Variants in ZNF891 observed in about 807,000 individuals in gnomAD.
The protein encoded by ZNF891 is hCG1646157.
For synonymous variants in ZNF891, 199 were observed against 209.0 expected (o/e 0.95, Z 0.41); for missense variants, 589 against 632.7 (o/e 0.93, Z 0.74).
chr12:133,129,687 C>T (rs575994730), intron 1 of ZNF891, among the ~76,000 whole-genome samples: 5 of 152,038 alleles, frequency 3.3e-5, no homozygotes, highest in African/African-American at 9.6e-5. Flanking sequence ...GTTAGTATAA[C>T]GGGCAAGGAT....
In ZNF891 at chr12:133,111,224, A is replaced by C. The variant is rs899084025; in HGVS notation, c.*9060T>G. The C allele has an allele frequency of 2.3e-4, 35 of 152,158 alleles. No individual in the cohort carries two copies. The highest frequency in any genetic ancestry group is 8.0e-4 in the African/African-American group (33 of 41,428). 9.4% of individuals were successfully genotyped at this position (152,158 alleles called of 1,614,324 possible). ...ATTCTTTTAAGGAAACAAAACAAAA[A>C]AAAATAAATTATGTAACCCAGCACT... is the stretch of plus-strand genomic sequence containing the variant. On this transcript the variant is annotated 3_prime_UTR_variant, in exon 2 of 2. Coordinates refer to ENST00000537226, the MANE Select transcript of ZNF891 (RefSeq NM_001277291.2).
rs756682362 is a variant in ZNF891, at chr12:133,108,905, ATCT to A, written c.*11376_*11378del. Reference sequence around the variant, plus strand: ...CTACCATTGTAATAAGTGTAGCAAAATCTTCTTAGATATCTGAAAAGTCATACT... The same window carrying A: ...CTACCATTGTAATAAGTGTAGCAAAATCTTAGATATCTGAAAAGTCATACT... On this transcript the variant is annotated 3_prime_UTR_variant, in exon 2 of 2. Transcript: ENST00000537226. 4 of 152,234 alleles carry A rather than the reference ATCT, an allele frequency of 2.6e-5. No individual in the cohort carries two copies. Among genetic ancestry groups the A allele is most frequent in the Non-Finnish European group, 4.4e-5 (3 of 68,040 alleles). 9.4% of individuals were successfully genotyped at this position (152,234 alleles called of 1,614,324 possible).
chr12:133,111,679 T>C lies in ZNF891; in HGVS notation c.*8605A>G, dbSNP rs543584964. 465 of 152,348 alleles carry C rather than the reference T, an allele frequency of 3.1e-3. 2 individuals are homozygous for C. Among genetic ancestry groups the C allele is most frequent in the African/African-American group, 0.011 (440 of 41,576 alleles). The allele number at this position is 152,348 out of a possible 1,614,324, so 9.4% of individuals were successfully genotyped here. ...CTCATAGGTAGAAAATATAATTTTA[T>C]GTATTTGACATGCATTTCTTAAGTT... On this transcript the variant is annotated 3_prime_UTR_variant, in exon 2 of 2. Coordinates refer to ENST00000537226, the MANE Select transcript of ZNF891 (RefSeq NM_001277291.2).
chr12:133,120,475 G>C lies in ZNF891; in HGVS notation c.1444C>G (p.His482Asp). ...VSSLRMHIRT[H>D]TGEKPYECKE... ...CATTCATAGGGTTTCTCTCCAGTGT[G>C]AGTTCTTATATGCATTCTAAGGGAT... The change falls in exon 2 of 2, where the codon CAC becomes GAC. Residue 482 changes from histidine (H) to aspartate (D), a missense_variant. Coordinates refer to ENST00000537226, the MANE Select transcript of ZNF891 (RefSeq NM_001277291.2). 2 of 1,602,784 alleles carry C rather than the reference G, an allele frequency of 1.2e-6. No individual in the cohort carries two copies. Among genetic ancestry groups the C allele is most frequent in the Non-Finnish European group, 1.7e-6 (2 of 1,175,140 alleles).
rs2137610216 is a variant in ZNF891 at position 133,112,649 on chromosome 12, T to TG, written c.*7634dup. ...GACTGCTTTTTCTAACACAATTCCC[T>TG]GTTCTTATCAGAGAAACTTATTTGT... is the stretch of plus-strand genomic sequence containing the variant. On this transcript the variant is annotated 3_prime_UTR_variant, in exon 2 of 2. Transcript: ENST00000537226. 6.6e-6 allele frequency: 1 copy of TG among 152,404 alleles called. No individual in the cohort carries two copies. The highest frequency in any genetic ancestry group is 1.9e-4 in the East Asian group (1 of 5,190). 9.4% of individuals were successfully genotyped at this position (152,404 alleles called of 1,614,324 possible). A position where few individuals can be genotyped will look rare whatever the true frequency, so the allele number is the denominator to read the frequency against.
intron 1 of ZNF891, among the ~76,000 whole-genome samples, chr12:133,129,383 C>T (rs1955850896): frequency 6.6e-6 from 1 of 151,822 alleles, no homozygotes; most frequent in Admixed American, 6.6e-5. Context: ...TGTCTGTAAT[C>T]CCGGCAACTC....
At position 133,120,531 on chromosome 12, in the gene ZNF891, C is replaced by A. The variant is rs754457088; in HGVS notation, c.1388G>T (p.Ser463Ile). The change falls in exon 2 of 2, where the codon AGT becomes ATT. Residue 463 changes from serine to isoleucine, a missense_variant. By Grantham distance (142) the Ser-to-Ile change is moderately radical. Coordinates refer to ENST00000537226, the MANE Select transcript of ZNF891 (RefSeq NM_001277291.2). ...CCCACTGAAAACTTTCCCACAGTCACTGCATTCATAAACATTCTCTCCGGT... is the reference window on the plus strand; with the variant it reads ...CCCACTGAAAACTTTCCCACAGTCAATGCATTCATAAACATTCTCTCCGGT... The part of the protein sequence containing the change: ...IHTGENVYEC[S>I]DCGKVFSGVS... The A allele has an allele frequency of 2.4e-5, 37 of 1,571,720 alleles. No individual in the cohort carries two copies.
In ZNF891 at chr12:133,106,111, T is replaced by C; in HGVS notation, c.*14173A>G. On this transcript the variant is annotated 3_prime_UTR_variant, in exon 2 of 2. Transcript: ENST00000537226. ...AGAAACAATATATATGTAGGAAATGTGGTAAAGCATTTAGCAGTGGCTCAG... is the reference window on the plus strand; with the variant it reads ...AGAAACAATATATATGTAGGAAATGCGGTAAAGCATTTAGCAGTGGCTCAG... 1.2e-6 allele frequency: 2 copies of C among 1,614,156 alleles called. No homozygotes were observed. The highest frequency in any genetic ancestry group is 1.7e-6 in the Non-Finnish European group (2 of 1,180,028).
At position 133,116,387 on chromosome 12, in the gene ZNF891, AG is replaced by A. The variant is rs1359671669; in HGVS notation, c.*3896del. 6.6e-6 allele frequency: 1 copy of A among 152,456 alleles called. No homozygotes were observed. Among genetic ancestry groups the A allele is most frequent in the Non-Finnish European group, 1.5e-5 (1 of 68,328 alleles). 9.4% of individuals were successfully genotyped at this position (152,456 alleles called of 1,614,324 possible). On this transcript the variant is annotated 3_prime_UTR_variant, in exon 2 of 2. Coordinates refer to ENST00000537226, the MANE Select transcript of ZNF891 (RefSeq NM_001277291.2). ...CCAAAGTGCTGGGATTAGAAGCGTG[AG>A]CCACTGCACCCGGCCAGTTGGGACC...
At position 133,117,440 on chromosome 12, in the gene ZNF891, G is replaced by C. The variant is rs1271025425; in HGVS notation, c.*2844C>G. 2 of 152,214 alleles carry C rather than the reference G, an allele frequency of 1.3e-5. No homozygotes were observed. The highest frequency in any genetic ancestry group is 2.4e-5 in the African/African-American group (1 of 41,452). The allele number at this position is 152,214 out of a possible 1,614,324, so 9.4% of individuals were successfully genotyped here. On this transcript the variant is annotated 3_prime_UTR_variant, in exon 2 of 2. Transcript: ENST00000537226. ...GTTCACATATTCTGATCACTGCTTAGTACAGTTAGGTGTAAATAAATAAAC... is the reference window on the plus strand; with the variant it reads ...GTTCACATATTCTGATCACTGCTTACTACAGTTAGGTGTAAATAAATAAAC...
chr12:133,129,082 A>G (rs893735688), intron 1 of ZNF891, among the ~76,000 whole-genome samples: 6 of 152,218 alleles, frequency 3.9e-5, no homozygotes, highest in African/African-American at 1.4e-4. Flanking sequence ...AATTACTTAC[A>G]GTGATAAAAT....
At chr12:133,124,571 C>A (rs1487112386) in intron 1 of ZNF891, among the ~76,000 whole-genome samples, 1 of 151,138 alleles carries the variant, frequency 6.6e-6, no homozygotes, top group African/African-American at 2.4e-5. Context: ...TTTAAAGTTA[C>A]CGAAGAAAAA....
intron 1 of ZNF891, among the ~76,000 whole-genome samples, chr12:133,123,877 A>G (rs1456928000): frequency 6.6e-6 from 1 of 152,144 alleles, no homozygotes; most frequent in Non-Finnish European, 1.5e-5. Flanking sequence ...TTCTAGTTAT[A>G]GCACTAATTA....
chr12:133,121,599 A>G lies in ZNF891; in HGVS notation c.320T>C (p.Ile107Thr). The part of the protein sequence containing the change: ...QEEIRNMKKR[I>T]PQAICPDQKI... ...CTGGTCTGGACAGATGGCTTGGGGA[A>G]TTCTCTTTTTCATATTCCTTATCTC... The change falls in exon 2 of 2, where the codon ATT becomes ACT. Residue 107 changes from isoleucine (I) to threonine (T), a missense_variant. Ile to Thr is a moderately conservative substitution (Grantham distance 89). Transcript: ENST00000537226. 7 of 1,536,436 alleles carry G rather than the reference A, an allele frequency of 4.6e-6. No individual in the cohort carries two copies. Among genetic ancestry groups the G allele is most frequent in the Non-Finnish European group, 6.1e-6 (7 of 1,146,986 alleles).
chr12:133,128,595 T>C (rs1338520568), intron 1 of ZNF891, among the ~76,000 whole-genome samples: 2 of 152,056 alleles, frequency 1.3e-5, no homozygotes, highest in Non-Finnish European at 2.9e-5. Flanking sequence ...GATCCTGCCA[T>C]TGCATTCCCG....
Position 133,118,021 on chromosome 12 carries a change from A to C in ZNF891, c.*2263T>G, listed in dbSNP as rs111795386. ...GAGTGCAGTGGTGAGATCTCATCTC[A>C]CTGCAACCTCTGCCTCCCAGGTTCA... is the stretch of plus-strand genomic sequence containing the variant. On this transcript the variant is annotated 3_prime_UTR_variant, in exon 2 of 2. Transcript: ENST00000537226. 7.0e-6 allele frequency: 1 copy of C among 142,312 alleles called. No homozygotes were observed. The highest frequency in any genetic ancestry group is 2.1e-4 in the East Asian group (1 of 4,862). The allele number at this position is 142,312 out of a possible 1,614,324, so 8.8% of individuals were successfully genotyped here.
intron 1 of ZNF891, among the ~76,000 whole-genome samples, chr12:133,123,674 C>T (rs1326968193): frequency 6.6e-6 from 1 of 151,656 alleles, no homozygotes; most frequent in East Asian, 1.9e-4. Flanking sequence ...TGCTACCACA[C>T]TCCAGCCTGG....
Position 133,106,277 on chromosome 12 carries a change from T to C in ZNF891, c.*14007A>G, listed in dbSNP as rs1300040526. On this transcript the variant is annotated 3_prime_UTR_variant, in exon 2 of 2. Transcript: ENST00000537226. ...CAAAACCCCGTATGAATGTAATGAATGTAGGAAAGCTTTCCGTTGTCACTC... is the reference window on the plus strand; with the variant it reads ...CAAAACCCCGTATGAATGTAATGAACGTAGGAAAGCTTTCCGTTGTCACTC... 3 of 1,614,070 alleles carry C rather than the reference T, an allele frequency of 1.9e-6. No homozygotes were observed. The highest frequency in any genetic ancestry group is 1.1e-5 in the South Asian group (1 of 91,094).
In ZNF891 at chr12:133,107,818, G is replaced by A. The variant is rs1365466020; in HGVS notation, c.*12466C>T. The A allele has an allele frequency of 6.6e-6, 1 of 152,188 alleles. No homozygotes were observed. Among genetic ancestry groups the A allele is most frequent in the Non-Finnish European group, 1.5e-5 (1 of 68,026 alleles). The allele number at this position is 152,188 out of a possible 1,614,324, so 9.4% of individuals were successfully genotyped here. On this transcript the variant is annotated 3_prime_UTR_variant, in exon 2 of 2. Transcript: ENST00000537226. ...GGGTTAGTTTGCCTTAATCAGGAAGGTAAGCAATTTTATTTTGTAGAAAGA... is the reference window on the plus strand; with the variant it reads ...GGGTTAGTTTGCCTTAATCAGGAAGATAAGCAATTTTATTTTGTAGAAAGA...
Sources: allele counts gnomAD v4.1 joint callset (sites outside exome capture counted in the v4.1 genomes callset), GRCh38; gene constraint gnomAD v4.1.1; transcripts MANE v1.5; gene names NCBI Gene and HGNC (gene_info 2026-07-23, HGNC 2026-07-21).